The following RASAL2 variants were observed in gnomAD, a reference collection of about 807,000 sequenced individuals.
RASAL2 encodes RAS protein activator like 2, also known as ras GTPase-activating protein nGAP.
RASAL2 carries 58 observed loss-of-function variants against 128.9 expected under a neutral mutation model. That is an observed-to-expected ratio of 0.45 (90% CI 0.36 to 0.56). RASAL2 has a LOEUF of 0.56. Ranked by LOEUF, RASAL2 falls within the 20% of genes least tolerant of loss-of-function variation. RASAL2 has a pLI of 0.00. For missense variants in RASAL2, 1,360 were observed against 1,601.6 expected, an observed-to-expected ratio of 0.85 and a Z score of 2.57; for synonymous variants, 561 against 580.8, an observed-to-expected ratio of 0.97 and a Z score of 0.49.
At chr1:178,103,867 G>A (rs181985112) in intron 1 of RASAL2, among the ~76,000 whole-genome samples, 1 of 152,186 alleles carries the variant, frequency 6.6e-6, no homozygotes, top group Non-Finnish European at 1.5e-5. Flanking sequence ...ACAATTGAAT[G>A]TATCGGATTT....
chr1:178,132,906 C>T (rs1031530694), intron 1 of RASAL2, among the ~76,000 whole-genome samples: 3 of 151,724 alleles, frequency 2.0e-5, no homozygotes, highest in Non-Finnish European at 4.4e-5. Context: ...GTAGCTGGGA[C>T]CGCAGGTATG....
At chr1:178,182,441 G>A (rs1662147581) in intron 1 of RASAL2, among the ~76,000 whole-genome samples, 1 of 152,014 alleles carries the variant, frequency 6.6e-6, no homozygotes, top group Non-Finnish European at 1.5e-5. Context: ...TTTATACTGG[G>A]GCATCGTTGC....
intron 1 of RASAL2, among the ~76,000 whole-genome samples, chr1:178,280,629 A>G (rs1666738832): frequency 6.6e-6 from 1 of 152,100 alleles, no homozygotes; most frequent in Admixed American, 6.5e-5. Flanking sequence ...ATTTACAAAG[A>G]GATCCATTGA....
intron 6 of RASAL2, among the ~76,000 whole-genome samples, chr1:178,439,989 CCA>C (rs1268718546): frequency 9.0e-4 from 135 of 149,768 alleles, no homozygotes; most frequent in African/African-American, 3.3e-3. Flanking sequence ...ATCCATCCAT[CCA>C]TCCATCCATC....
chr1:178,256,556 TTC>T (rs1665352776), intron 1 of RASAL2, among the ~76,000 whole-genome samples: 2 of 152,174 alleles, frequency 1.3e-5, no homozygotes, highest in Admixed American at 6.5e-5. Context: ...GTAAAACTAT[TTC>T]TGTTTGCAAG....
intron 9 of RASAL2, among the ~76,000 whole-genome samples, chr1:178,450,028 A>G (rs1279808541): frequency 1.3e-5 from 2 of 152,146 alleles, no homozygotes; most frequent in Non-Finnish European, 2.9e-5. Context: ...TACTCTTTAA[A>G]TGAAGTTTAA....
At chr1:178,466,612 T>C (rs1418804416) in intron 16 of RASAL2, among the ~76,000 whole-genome samples, 4 of 152,204 alleles carry the variant, frequency 2.6e-5, no homozygotes, top group African/African-American at 9.7e-5. Flanking sequence ...ACATAATAGT[T>C]TGTTTAATCT....
At chr1:178,432,945 C>T (rs1676016351) in intron 5 of RASAL2, among the ~76,000 whole-genome samples, 1 of 152,028 alleles carries the variant, frequency 6.6e-6, no homozygotes, top group Admixed American at 6.6e-5. Context: ...CACATCTTAC[C>T]ATGTAATTCC....
intron 9 of RASAL2, among the ~76,000 whole-genome samples, chr1:178,447,371 A>G (rs1238086686): frequency 6.6e-6 from 1 of 151,888 alleles, no homozygotes; most frequent in Non-Finnish European, 1.5e-5. Context: ...CTGAAAGCCA[A>G]TCAATTAAGA....
chr1:178,266,291 C>T lies in RASAL2; in HGVS notation c.203-17273C>T, dbSNP rs1341793864. ...TTCTAGTGGGTATGTAGTGCTATCT[C>T]ACTGTGGCCTTAATTTGCATTTCCC... On this transcript the variant is annotated intron_variant, in intron 1 of 17. Coordinates refer to ENST00000367649, the MANE Select transcript of RASAL2 (RefSeq NM_170692.4). 2.6e-5 allele frequency among the ~76,000 whole-genome samples: 4 copies of T among 152,208 alleles called. No homozygotes were observed. In the South Asian group the frequency reaches 6.2e-4, roughly 24 times the overall value.
chr1:178,240,156 G>A (rs1300028619), intron 1 of RASAL2, among the ~76,000 whole-genome samples: 4 of 152,038 alleles, frequency 2.6e-5, no homozygotes. Flanking sequence ...GTTGTCCACA[G>A]TGAACAAGGT....
At chr1:178,313,501 T>C (rs1177239631) in intron 3 of RASAL2, among the ~76,000 whole-genome samples, 2 of 151,892 alleles carry the variant, frequency 1.3e-5, no homozygotes, top group Admixed American at 6.6e-5. Context: ...TTTTTTTTTT[T>C]CTGTTTTGAG....
intron 1 of RASAL2, among the ~76,000 whole-genome samples, chr1:178,170,150 C>G (rs548892000): frequency 4.6e-5 from 7 of 151,846 alleles, no homozygotes; most frequent in Admixed American, 4.6e-4. Flanking sequence ...AAAAAAGATT[C>G]AAGACATTTG....
chr1:178,460,541 A>G (rs1467769802), intron 14 of RASAL2, among the ~76,000 whole-genome samples: 1 of 152,194 alleles, frequency 6.6e-6, no homozygotes, highest in Non-Finnish European at 1.5e-5. Flanking sequence ...GGAAATGCAT[A>G]CAGTCTCCAA....
chr1:178,124,959 G>A (rs1364891703), intron 1 of RASAL2, among the ~76,000 whole-genome samples: 1 of 152,158 alleles, frequency 6.6e-6, no homozygotes, highest in East Asian at 1.9e-4. Flanking sequence ...TCAAAGAAGT[G>A]TTATAGTGAG....
In RASAL2 at chr1:178,442,744, A is replaced by G; in HGVS notation, c.997A>G (p.Lys333Glu). The change falls in exon 8 of 18, where the codon AAG becomes GAG. Residue 333 changes from lysine to glutamate, a missense_variant. By Grantham distance (56) the Lys-to-Glu change is moderately conservative. Transcript: ENST00000367649. Reference sequence around the variant, plus strand: ...TGAAGCCAAGGACCTTGCCCCTAAAAAGAAATATTTCTGCGAACTGTGCCT... The same window carrying G: ...TGAAGCCAAGGACCTTGCCCCTAAAGAGAAATATTTCTGCGAACTGTGCCT... ...IIEAKDLAPK[K>E]KYFCELCLDD... is the part of the protein sequence containing the mutation. 1 of 1,613,876 alleles carries G rather than the reference A, an allele frequency of 6.2e-7. No individual in the cohort carries two copies. The highest frequency in any genetic ancestry group is 1.1e-5 in the South Asian group (1 of 91,054).
intron 4 of RASAL2, among the ~76,000 whole-genome samples, chr1:178,410,080 T>G (rs961840713): frequency 3.9e-5 from 6 of 151,984 alleles, no homozygotes; most frequent in African/African-American, 1.2e-4. Context: ...AGCTGTGGAA[T>G]CTAGGGAGAA....
chr1:178,265,833 GGTTTACCCAATTTTGAT>G (rs1369589731), intron 1 of RASAL2, among the ~76,000 whole-genome samples: 1 of 152,066 alleles, frequency 6.6e-6, no homozygotes, highest in Non-Finnish European at 1.5e-5. Flanking sequence ...CTATAGATTA[GGTTTACCCAATTTTGAT>G]GTTTAAACAA....
chr1:178,442,625 T>C (rs1223387203), intron 7 of RASAL2, 50 bp from the exon 8 acceptor site: 1 of 1,505,554 alleles, frequency 6.6e-7, no homozygotes, highest in Non-Finnish European at 8.9e-7. Flanking sequence ...AAAAATGTTT[T>C]TTTTTCTGCA....
Sources: allele counts gnomAD v4.1 joint callset (sites outside exome capture counted in the v4.1 genomes callset), GRCh38; gene constraint gnomAD v4.1.1; transcripts MANE v1.5; gene names NCBI Gene and HGNC (gene_info 2026-07-23, HGNC 2026-07-21).